The following ME3 variants were observed in gnomAD, a reference collection of about 807,000 sequenced individuals.
ME3 encodes the protein NADP-dependent malic enzyme, mitochondrial.
ME3 carries 48 observed loss-of-function variants against 68.9 expected under a neutral mutation model. The observed-to-expected ratio is 0.70, with a 90% CI of 0.55 to 0.89. The LOEUF is 0.89. Ranked by LOEUF, ME3 falls within the 40% of genes least tolerant of loss-of-function variation. The probability of loss-of-function intolerance (pLI) is 0.00; values close to 1 mark genes in which losing one functional copy is unlikely to be tolerated. For missense variants in ME3, 675 were observed against 797.4 expected (o/e 0.85, Z 1.85); for synonymous variants, 320 against 318.8 (o/e 1.00, Z -0.04).
At chr11:86,568,054 G>A (rs957165576) in intron 2 of ME3, among the ~76,000 whole-genome samples, 5 of 152,146 alleles carry the variant, frequency 3.3e-5, no homozygotes, top group African/African-American at 7.2e-5. Flanking sequence ...TACAGTTTCC[G>A]TGTGTCTAGT....
intron 4 of ME3, among the ~76,000 whole-genome samples, chr11:86,555,186 C>G (rs186808087): frequency 6.6e-6 from 1 of 152,152 alleles, no homozygotes; most frequent in Non-Finnish European, 1.5e-5. Flanking sequence ...AGTTAGAACA[C>G]TGAATTTTGG....
At chr11:86,443,300 TACCATCTTGAGTG>T (rs1420971647) in intron 13 of ME3, among the ~76,000 whole-genome samples, 2 of 152,236 alleles carry the variant, frequency 1.3e-5, no homozygotes, top group African/African-American at 4.8e-5. Context: ...ACGTGCTTGG[TACCATCTTGAGTG>T]ACCATCTAGG....
chr11:86,610,883 A>C (rs1465391183), intron 2 of ME3, among the ~76,000 whole-genome samples: 2 of 152,238 alleles, frequency 1.3e-5, no homozygotes, highest in African/African-American at 4.8e-5. Context: ...AACAGCACCA[A>C]CTGTTGGCCA....
chr11:86,467,338 G>C (rs1263275292), intron 7 of ME3, among the ~76,000 whole-genome samples: 1 of 152,124 alleles, frequency 6.6e-6, no homozygotes, highest in Non-Finnish European at 1.5e-5. Context: ...TGGAGGTTTG[G>C]TGGGGGGCTC....
Position 86,487,555 on chromosome 11 carries a change from G to A in ME3, c.706-115C>T, listed in dbSNP as rs1224030316. ...CCAGAAGGTGGGAGGAGAGGGGGGA[G>A]TAAGAAGGTAACTGGATCCCCCCCG... is the stretch of plus-strand genomic sequence containing the variant. On this transcript the variant is annotated intron_variant, in intron 6 of 14. Coordinates refer to ENST00000543262, the Ensembl canonical transcript of ME3. The A allele has an allele frequency of 9.4e-6, 7 of 747,528 alleles. 1 individual carries two copies. The highest frequency in any genetic ancestry group is 8.5e-5 in the South Asian group (5 of 58,594). 46.3% of individuals were successfully genotyped at this position (747,528 alleles called of 1,614,324 possible).
chr11:86,518,121 C>T (rs989004350), intron 4 of ME3, among the ~76,000 whole-genome samples: 1 of 152,198 alleles, frequency 6.6e-6, no homozygotes, highest in Non-Finnish European at 1.5e-5. Context: ...TGAGTTATAT[C>T]CCTCAGGAAA....
intron 5 of ME3, among the ~76,000 whole-genome samples, chr11:86,506,151 T>C (rs892414064): frequency 9.2e-5 from 14 of 152,214 alleles, no homozygotes; most frequent in Non-Finnish European, 1.6e-4. Context: ...GATCTGCTCA[T>C]GCAACTTAAC....
chr11:86,606,574 A>G (rs1167192806), intron 2 of ME3, among the ~76,000 whole-genome samples: 1 of 152,154 alleles, frequency 6.6e-6, no homozygotes, highest in Non-Finnish European at 1.5e-5. Flanking sequence ...CAGTCTTCCA[A>G]AATATTTCTG....
chr11:86,604,825 G>A (rs1490571462), intron 2 of ME3, among the ~76,000 whole-genome samples: 2 of 152,120 alleles, frequency 1.3e-5, no homozygotes, highest in Non-Finnish European at 2.9e-5. Context: ...GTTACAGTAA[G>A]TTAAGTTGAA....
At chr11:86,533,861 A>C (rs1955443450) in intron 4 of ME3, among the ~76,000 whole-genome samples, 1 of 152,162 alleles carries the variant, frequency 6.6e-6, no homozygotes, top group African/African-American at 2.4e-5. Context: ...TTACACACCT[A>C]GGCTACATGA....
intron 4 of ME3, among the ~76,000 whole-genome samples, chr11:86,525,763 G>C (rs188609025): frequency 6.6e-6 from 1 of 151,650 alleles, no homozygotes; most frequent in African/African-American, 2.4e-5. Flanking sequence ...GAGGGAGACC[G>C]AGGTAAGAGA....
intron 2 of ME3, among the ~76,000 whole-genome samples, chr11:86,591,918 A>G (rs1389694747): frequency 2.6e-5 from 4 of 152,176 alleles, no homozygotes; most frequent in African/African-American, 9.7e-5. Context: ...GGACACAGCC[A>G]AACCATATCA....
At chr11:86,580,022 C>A (rs1017361195) in intron 2 of ME3, among the ~76,000 whole-genome samples, 1 of 152,110 alleles carries the variant, frequency 6.6e-6, no homozygotes, top group African/African-American at 2.4e-5. Flanking sequence ...TTGTCCCTTT[C>A]TGAGATAGAA....
intron 2 of ME3, among the ~76,000 whole-genome samples, chr11:86,643,707 G>A (rs1944817299): frequency 6.6e-6 from 1 of 152,102 alleles, no homozygotes. Context: ...ACTCTTATGA[G>A]CTTGCTAGTC....
intron 2 of ME3, among the ~76,000 whole-genome samples, chr11:86,614,884 C>T (rs1228439379): frequency 6.6e-6 from 1 of 152,214 alleles, no homozygotes; most frequent in Non-Finnish European, 1.5e-5. Flanking sequence ...CTCCCAGCTC[C>T]ATACCACTTA....
Position 86,600,112 on chromosome 11 carries a change from T to A in ME3, c.184-40289A>T, listed in dbSNP as rs1159249195. ...AATTCACACATAACAATATTAGCTT[T>A]AAATGTAAATGGACTAAATGCTCCA... On this transcript the variant is annotated intron_variant, in intron 2 of 14. Transcript: ENST00000543262. Among the ~76,000 whole-genome samples, 3 of 152,160 alleles carry A rather than the reference T, an allele frequency of 2.0e-5. No individual in the cohort carries two copies. In the East Asian group the frequency reaches 5.8e-4, roughly 29 times the overall value.
intron 3 of ME3, among the ~76,000 whole-genome samples, chr11:86,558,692 T>C (rs891085607): frequency 1.7e-4 from 26 of 152,308 alleles, no homozygotes; most frequent in African/African-American, 6.3e-4. Flanking sequence ...CCTTATCTTC[T>C]TCCTACATTT....
chr11:86,566,598 C>A (rs1360995148), intron 2 of ME3, among the ~76,000 whole-genome samples: 2 of 144,026 alleles, frequency 1.4e-5, no homozygotes, highest in Non-Finnish European at 3.1e-5. Context: ...TTATTCTATA[C>A]TTTCCTTACA....
In ME3 at chr11:86,448,081, C is replaced by T. The variant is rs572182831; in HGVS notation, c.1237+69G>A. On this transcript the variant is annotated intron_variant, in intron 11 of 14. Coordinates refer to ENST00000543262, the Ensembl canonical transcript of ME3. ...GGTTACTTAGGCTTCCTAGCTGAGC[C>T]TCTGTCTCTCCATCTGCAAGTCAAG... 9.8e-6 allele frequency: 11 copies of T among 1,124,480 alleles called. No individual in the cohort carries two copies. In the East Asian group the frequency reaches 2.6e-4, roughly 26 times the overall value. The allele number at this position is 1,124,480 out of a possible 1,614,324, so 69.7% of individuals were successfully genotyped here. A position where few individuals can be genotyped will look rare whatever the true frequency, so the allele number is the denominator to read the frequency against.
Sources: allele counts gnomAD v4.1 joint callset (sites outside exome capture counted in the v4.1 genomes callset), GRCh38; gene constraint gnomAD v4.1.1; transcripts MANE v1.5; gene names NCBI Gene and HGNC (gene_info 2026-07-23, HGNC 2026-07-21).